The following NTRK2 variants were observed in gnomAD, a reference collection of about 807,000 sequenced individuals.
NTRK2 encodes neurotrophic receptor tyrosine kinase 2, also known as BDNF/NT-3 growth factors receptor.
In NTRK2, 13 loss-of-function variants were observed where a neutral mutation model predicts 94.5. That is an observed-to-expected ratio of 0.14 (90% confidence interval 0.09 to 0.22). NTRK2 has a LOEUF of 0.22. NTRK2 is among the 10% of genes least tolerant of loss of function. The pLI is 1.00. For synonymous variants in NTRK2, 372 were observed against 407.4 expected (o/e 0.91, Z 1.05); for missense variants, 639 against 1,071.2 (o/e 0.60, Z 5.63).
intron 6 of NTRK2, among the ~76,000 whole-genome samples, chr9:84,719,095 A>C (rs2061893954): frequency 6.6e-6 from 1 of 152,248 alleles, no homozygotes; most frequent in Non-Finnish European, 1.5e-5. Context: ...TCAAGGAATC[A>C]TAAATACCAC....
intron 9 of NTRK2, 55 bp downstream of exon 9, chr9:84,728,014 G>T: frequency 6.5e-7 from 1 of 1,536,026 alleles, no homozygotes; most frequent in Non-Finnish European, 9.0e-7. Context: ...TCATTCACCT[G>T]TTGACAAAAT....
At chr9:84,970,113 G>C (rs1012809172) in intron 17 of NTRK2, among the ~76,000 whole-genome samples, 1 of 152,112 alleles carries the variant, frequency 6.6e-6, no homozygotes, top group Non-Finnish European at 1.5e-5. Context: ...TAATAGGGCC[G>C]GGCATGGTGG....
intron 17 of NTRK2, among the ~76,000 whole-genome samples, chr9:84,972,344 G>A (rs1015476768): frequency 4.6e-5 from 7 of 152,160 alleles, no homozygotes; most frequent in Non-Finnish European, 1.0e-4. Flanking sequence ...GTCACTGGAG[G>A]GAAGTGTCCA....
At chr9:84,735,847 T>G (rs1436132145) in intron 9 of NTRK2, among the ~76,000 whole-genome samples, 1 of 152,328 alleles carries the variant, frequency 6.6e-6, no homozygotes, top group Middle Eastern at 3.4e-3. Context: ...AACCAGAAAG[T>G]GTACATGGAG....
At chr9:84,762,420 A>G (rs192078206) in intron 12 of NTRK2, among the ~76,000 whole-genome samples, 1 of 152,374 alleles carries the variant, frequency 6.6e-6, no homozygotes, top group East Asian at 1.9e-4. Flanking sequence ...AGATGTTTCT[A>G]TATTGAAATG....
chr9:84,948,338 G>T, intron 15 of NTRK2, 124 bp from the exon 16 acceptor site: 3 of 1,004,154 alleles, frequency 3.0e-6, no homozygotes, highest in Middle Eastern at 2.0e-4. Flanking sequence ...TAGCACAAAT[G>T]TTATTTCCTT....
At position 84,670,849 on chromosome 9, in the gene NTRK2, C is replaced by G. The variant is rs759206123; in HGVS notation, c.101C>G (p.Thr34Arg). Residue 34 changes from threonine (T) to arginine (R), a missense_variant, in exon 2 of 19, where the codon ACG becomes AGG. Thr to Arg is a moderately conservative substitution (Grantham distance 71). This residue lies in a region of NTRK2 where 206 missense variants were observed against 251.5 expected (regional missense o/e 0.82). Transcript: ENST00000277120. The part of the protein sequence containing the change: ...GFWRAAFACP[T>R]SCKCSASRIW... ...TGGAGGGCCGCTTTCGCCTGTCCCA[C>G]GTCCTGCAAATGCAGTGCCTCTCGG... The G allele has an allele frequency of 1.9e-6, 3 of 1,613,962 alleles. No homozygotes were observed. The highest frequency in any genetic ancestry group is 8.5e-7 in the Non-Finnish European group (1 of 1,180,052).
chr9:85,023,569 T>A lies in NTRK2; in HGVS notation c.*2132T>A. ...CTATGAGAGATGAGAGTTGGGTCGT[T>A]TGTTCTCTTTGTTGATGATTTTAAA... On this transcript the variant is annotated 3_prime_UTR_variant, in exon 19 of 19. Transcript: ENST00000277120. The A allele has an allele frequency of 4.5e-6, 1 of 223,744 alleles. No individual in the cohort carries two copies. The highest frequency in any genetic ancestry group is 1.8e-4 in the South Asian group (1 of 5,410). 13.9% of individuals were successfully genotyped at this position (223,744 alleles called of 1,614,324 possible).
chr9:84,847,635 G>T (rs1014069246), intron 12 of NTRK2, among the ~76,000 whole-genome samples: 1 of 152,138 alleles, frequency 6.6e-6, no homozygotes, highest in Non-Finnish European at 1.5e-5. Context: ...ACACATCATA[G>T]ACTTCGTTTT....
chr9:84,699,159 C>T (rs1201730140), intron 2 of NTRK2, among the ~76,000 whole-genome samples: 1 of 151,918 alleles, frequency 6.6e-6, no homozygotes, highest in African/African-American at 2.4e-5. Flanking sequence ...GCCTCAGCCT[C>T]CTGAGTAGCT....
intron 11 of NTRK2, among the ~76,000 whole-genome samples, chr9:84,750,409 C>T (rs2064484107): frequency 6.6e-6 from 1 of 152,232 alleles, no homozygotes; most frequent in African/African-American, 2.4e-5. Flanking sequence ...CAAAGAGAAA[C>T]ACAGAGAAAA....
chr9:84,783,836 G>A (rs915315511), intron 12 of NTRK2, among the ~76,000 whole-genome samples: 1 of 151,998 alleles, frequency 6.6e-6, no homozygotes, highest in Non-Finnish European at 1.5e-5. Flanking sequence ...GGGCATGAAG[G>A]GGGCTAGGGA....
chr9:84,789,816 A>G (rs556216369), intron 12 of NTRK2, among the ~76,000 whole-genome samples: 44 of 152,150 alleles, frequency 2.9e-4, no homozygotes, highest in Admixed American at 1.4e-3. Context: ...CTTCCTACCC[A>G]TAAGAGCATT....
chr9:84,673,657 A>T (rs1008289106), intron 2 of NTRK2, among the ~76,000 whole-genome samples: 3 of 152,212 alleles, frequency 2.0e-5, no homozygotes, highest in African/African-American at 7.2e-5. Flanking sequence ...CATTAAAAAA[A>T]ATGTGTAGAT....
In NTRK2 at chr9:85,026,072, G is replaced by T. The variant is rs542641917; in HGVS notation, c.*4635G>T. 197 of 221,270 alleles carry T rather than the reference G, an allele frequency of 8.9e-4. No individual in the cohort carries two copies. The highest frequency in any genetic ancestry group is 2.8e-3 in the African/African-American group (126 of 44,454). The allele number at this position is 221,270 out of a possible 1,614,324, so 13.7% of individuals were successfully genotyped here. On this transcript the variant is annotated 3_prime_UTR_variant, in exon 19 of 19. Coordinates refer to ENST00000277120, the MANE Select transcript of NTRK2 (RefSeq NM_006180.6). Reference sequence around the variant, plus strand: ...CTTTGACCTTTATTTATTTAATTATGTATTTATTTATTTATTTATATACTT... The same window carrying T: ...CTTTGACCTTTATTTATTTAATTATTTATTTATTTATTTATTTATATACTT...
intron 14 of NTRK2, 94 bp from the exon 15 acceptor site, chr9:84,934,068 C>A: frequency 1.4e-6 from 2 of 1,386,304 alleles, no homozygotes; most frequent in Non-Finnish European, 2.0e-6. Context: ...GACTCTTGGG[C>A]CTGGAAGCTC....
chr9:84,675,090 G>C (rs1239554893), intron 2 of NTRK2, among the ~76,000 whole-genome samples: 1 of 152,108 alleles, frequency 6.6e-6, no homozygotes, highest in African/African-American at 2.4e-5. Flanking sequence ...GTCTCTCACT[G>C]TTTCTATCCC....
chr9:84,829,994 A>AGC (rs2073431965), intron 12 of NTRK2, among the ~76,000 whole-genome samples: 1 of 152,202 alleles, frequency 6.6e-6, no homozygotes, highest in Non-Finnish European at 1.5e-5. Context: ...CCCTGTGGGT[A>AGC]TTACTGCACC....
In NTRK2 at chr9:85,021,734, C is replaced by T. The variant is rs200581332; in HGVS notation, c.*297C>T. On this transcript the variant is annotated 3_prime_UTR_variant, in exon 19 of 19. Coordinates refer to ENST00000277120, the MANE Select transcript of NTRK2 (RefSeq NM_006180.6). The stretch of plus-strand genomic sequence containing the variant: ...TTTTCGTCTTCCCTGCTTCACGATT[C>T]TTACCCTTTCTTTTGAATCAATCTG... 412 of 448,948 alleles carry T rather than the reference C, an allele frequency of 9.2e-4. No individual in the cohort carries two copies. Among genetic ancestry groups the T allele is most frequent in the Middle Eastern group, 1.8e-3 (3 of 1,650 alleles). The allele number at this position is 448,948 out of a possible 1,614,324, so 27.8% of individuals were successfully genotyped here. A position where few individuals can be genotyped will look rare whatever the true frequency, so the allele number is the denominator to read the frequency against.
Sources: gnomAD v4.1 joint callset for allele counts (sites outside exome capture counted in the v4.1 genomes callset) on GRCh38, gnomAD v4.1.1 for gene constraint, gnomAD v4.1.1 regional missense constraint, MANE v1.5 for transcripts, NCBI Gene and HGNC (gene_info 2026-07-23, HGNC 2026-07-21) for gene names.